Variants in AKAP13 observed in about 807,000 individuals in gnomAD.
The protein encoded by AKAP13 is A-kinase anchor protein 13.
Under a neutral mutation model 264.5 loss-of-function variants are expected in AKAP13, and 80 were observed. The observed-to-expected ratio is 0.30, with a 90% CI of 0.25 to 0.36. AKAP13 has a LOEUF of 0.36. Ranked by LOEUF, AKAP13 falls within the 10% of genes least tolerant of loss-of-function variation. The pLI is 1.00. For synonymous variants in AKAP13, 1,380 were observed against 1,250.2 expected (o/e 1.10, Z -2.19); for missense variants, 3,712 against 3,435.2 (o/e 1.08, Z -2.01).
At chr15:85,533,118 G>A (rs976468862) in intron 3 of AKAP13, among the ~76,000 whole-genome samples, 1 of 152,198 alleles carries the variant, frequency 6.6e-6, no homozygotes, top group Non-Finnish European at 1.5e-5. Context: ...AATAAAGCAA[G>A]TGCTAGTGAA....
chr15:85,406,536 AC>A (rs1442327176), intron 1 of AKAP13, among the ~76,000 whole-genome samples: 1 of 150,362 alleles, frequency 6.7e-6, no homozygotes, highest in Non-Finnish European at 1.5e-5. Context: ...CTGTGGTTGT[AC>A]CTATAATTGG....
At chr15:85,721,046 C>T (rs761736340) in intron 23 of AKAP13, among the ~76,000 whole-genome samples, 5 of 152,222 alleles carry the variant, frequency 3.3e-5, no homozygotes, top group Non-Finnish European at 7.3e-5. Flanking sequence ...CTCTCTGCCC[C>T]TCCTCTCTGG....
intron 3 of AKAP13, among the ~76,000 whole-genome samples, chr15:85,530,269 C>T (rs1318277129): frequency 1.3e-5 from 2 of 152,156 alleles, no homozygotes; most frequent in African/African-American, 4.8e-5. Context: ...CAATTCGGGA[C>T]AAATTTCTGT....
intron 19 of AKAP13, among the ~76,000 whole-genome samples, chr15:85,712,342 C>T (rs924944729): frequency 1.3e-5 from 2 of 152,196 alleles, no homozygotes; most frequent in Non-Finnish European, 2.9e-5. Context: ...AGAGGAGCTT[C>T]TCCAGGTTGA....
intron 14 of AKAP13, among the ~76,000 whole-genome samples, chr15:85,675,669 T>A (rs1368607689): frequency 2.0e-5 from 3 of 152,162 alleles, no homozygotes; most frequent in Non-Finnish European, 4.4e-5. Context: ...CATCTGATGT[T>A]ATAGGACTGA....
Position 85,482,799 on chromosome 15 carries a change from C to T in AKAP13, c.-11-2911C>T, listed in dbSNP as rs115982866. Among the ~76,000 whole-genome samples, 383 of 152,166 alleles carry T rather than the reference C, an allele frequency of 2.5e-3. 3 individuals are homozygous for T. Among genetic ancestry groups the T allele is most frequent in the African/African-American group, 8.8e-3 (366 of 41,514 alleles). ...CTGTAAATGTTAGTTTTGTCTTTCC[C>T]GTTGTGTGCCAGCATTGTGGAAGTC... On this transcript the variant is annotated intron_variant, in intron 1 of 36. Transcript: ENST00000394518.
intron 17 of AKAP13, among the ~76,000 whole-genome samples, chr15:85,704,084 A>G (rs913325966): frequency 6.6e-6 from 1 of 152,114 alleles, no homozygotes; most frequent in African/African-American, 2.4e-5. Flanking sequence ...TAATTCCTCA[A>G]CTTGTGTCCT....
At chr15:85,734,678 G>A (rs544914786) in intron 30 of AKAP13, among the ~76,000 whole-genome samples, 1 of 152,240 alleles carries the variant, frequency 6.6e-6, no homozygotes, top group South Asian at 2.1e-4. Flanking sequence ...ACTTTCCAGG[G>A]AATATCTTCT....
Position 85,715,771 on chromosome 15 carries a change from G to A in AKAP13, c.5600-17G>A, listed in dbSNP as rs770068042. 5.9e-5 allele frequency: 94 copies of A among 1,602,146 alleles called. No homozygotes were observed. In the Admixed American group the frequency reaches 1.7e-3, roughly 29 times the overall value. On this transcript the variant is annotated splice_polypyrimidine_tract_variant and intron_variant, in intron 19 of 36. Coordinates refer to ENST00000394518, the MANE Select transcript of AKAP13 (RefSeq NM_007200.5). ...AGCTGGATGGGTGATGCTTCAGTTA[G>A]TGTCCTCCTTTTGCAGCCTCACAGC... is the stretch of plus-strand genomic sequence containing the variant.
At chr15:85,716,016 T>TA (rs398028201) in intron 20 of AKAP13, 93 bp downstream of exon 20, 6 of 1,399,170 alleles carry the variant, frequency 4.3e-6, no homozygotes, top group Non-Finnish European at 5.7e-6. Flanking sequence ...TTTTTTTTTT[T>TA]AAGAAATAAA....
At chr15:85,524,956 AT>A (rs1259102668) in intron 3 of AKAP13, among the ~76,000 whole-genome samples, 1 of 150,606 alleles carries the variant, frequency 6.6e-6, no homozygotes, top group Non-Finnish European at 1.5e-5. Flanking sequence ...TTATGATGTG[AT>A]TTCCCCTCCT....
intron 5 of AKAP13, among the ~76,000 whole-genome samples, chr15:85,545,300 A>G (rs909482044): frequency 7.9e-5 from 12 of 152,238 alleles, no homozygotes; most frequent in Non-Finnish European, 5.9e-5. Flanking sequence ...TGAAGTTCAA[A>G]TGCATTTCCT....
chr15:85,443,098 C>G (rs1410010082), intron 1 of AKAP13, among the ~76,000 whole-genome samples: 1 of 152,066 alleles, frequency 6.6e-6, no homozygotes, highest in African/African-American at 2.4e-5. Context: ...TAACCTGTGT[C>G]TTATTTCATG....
At chr15:85,406,854 T>C (rs1313589263) in intron 1 of AKAP13, among the ~76,000 whole-genome samples, 1 of 151,592 alleles carries the variant, frequency 6.6e-6, no homozygotes, top group African/African-American at 2.4e-5. Context: ...CTAGGGGTAG[T>C]TCTATTTTGA....
chr15:85,692,538 A>G (rs753853424), intron 16 of AKAP13, among the ~76,000 whole-genome samples: 1 of 151,932 alleles, frequency 6.6e-6, no homozygotes, highest in Non-Finnish European at 1.5e-5. Context: ...TAGTAGTGGT[A>G]GTAGTACCTG....
chr15:85,456,080 T>G (rs541562579), intron 1 of AKAP13, among the ~76,000 whole-genome samples: 1 of 152,234 alleles, frequency 6.6e-6, no homozygotes, highest in African/African-American at 2.4e-5. Context: ...TTATTTGTCT[T>G]GCTGCAAACA....
In AKAP13 at chr15:85,521,414, G is replaced by C. The variant is rs571530054; in HGVS notation, c.34-14G>C. On this transcript the variant is annotated splice_polypyrimidine_tract_variant and intron_variant, in intron 2 of 36. Coordinates refer to ENST00000394518, the MANE Select transcript of AKAP13 (RefSeq NM_007200.5). ...CTTACTAATGTAAACTTGCTATATTGTTTCCTTTCCTAGGGTGATTGTGTT... is the reference window on the plus strand; with the variant it reads ...CTTACTAATGTAAACTTGCTATATTCTTTCCTTTCCTAGGGTGATTGTGTT... The C allele has an allele frequency of 1.2e-6, 2 of 1,613,232 alleles. No individual in the cohort carries two copies. Among genetic ancestry groups the C allele is most frequent in the South Asian group, 2.2e-5 (2 of 90,912 alleles).
intron 2 of AKAP13, among the ~76,000 whole-genome samples, chr15:85,503,179 T>C (rs560642596): frequency 1.3e-5 from 2 of 152,306 alleles, no homozygotes; most frequent in East Asian, 3.9e-4. Context: ...TCCTGGCACA[T>C]AGTAAGCATT....
rs11635004 is a variant in AKAP13 at position 85,514,206 on chromosome 15, A to G, written c.34-7222A>G. 4.4e-5 allele frequency among the ~76,000 whole-genome samples: 6 copies of G among 135,814 alleles called. 3 individuals are homozygous for G. Among genetic ancestry groups the G allele is most frequent in the South Asian group, 4.5e-4 (2 of 4,468 alleles). 89.1% of individuals were successfully genotyped at this position (135,814 alleles called of 152,430 possible). A position where few individuals can be genotyped will look rare whatever the true frequency, so the allele number is the denominator to read the frequency against. On this transcript the variant is annotated intron_variant, in intron 2 of 36. Coordinates refer to ENST00000394518, the MANE Select transcript of AKAP13 (RefSeq NM_007200.5). ...ACTATTCCAGCAATCTCCCCTCTTT[A>G]AGCAGTCAGCCCGTCATTCTGTGAT...
Sources: allele counts gnomAD v4.1 joint callset (sites outside exome capture counted in the v4.1 genomes callset), GRCh38; gene constraint gnomAD v4.1.1; transcripts MANE v1.5; gene names NCBI Gene and HGNC (gene_info 2026-07-23, HGNC 2026-07-21).